CAMTA1: variants seen among roughly 807,000 people sequenced by gnomAD.
CAMTA1 encodes the protein calmodulin-binding transcription activator 1.
A neutral mutation model predicts 170.9 loss-of-function variants in CAMTA1; 27 were observed. That is an observed-to-expected ratio of 0.16 (90% CI 0.12 to 0.22). CAMTA1 has a LOEUF of 0.22. Ranked by LOEUF, CAMTA1 falls within the 10% of genes least tolerant of loss-of-function variation. The pLI is 1.00. For missense variants in CAMTA1, 1,619 were observed against 2,217.2 expected (o/e 0.73, Z 5.42); for synonymous variants, 833 against 891.5 (o/e 0.93, Z 1.17).
rs1166464800 is a variant in CAMTA1 at position 7,547,487 on chromosome 1, A to G, written c.510+79586A>G. 6.6e-6 allele frequency among the ~76,000 whole-genome samples: 1 copy of G among 152,044 alleles called. No homozygotes were observed. Among genetic ancestry groups the G allele is most frequent in the East Asian group, 1.9e-4 (1 of 5,192 alleles). On this transcript the variant is annotated intron_variant, in intron 6 of 22. Coordinates refer to ENST00000303635, the MANE Select transcript of CAMTA1 (RefSeq NM_015215.4). The surrounding 1 kb of genome is among the most constrained non-coding windows in gnomAD (Gnocchi z 5.7). ...AAAAAATTGCATTTGTACCAAACAT[A>G]TTTTTTTCTTATGATTATTCCCTAA...
rs912431386 is a variant in CAMTA1, at chr1:7,299,627, CTCCTCCCTGGCCACAT to C, written c.438+50004_438+50019del. ...CTTCCGATTAAGCCTCCACTTCCATCTCCTCCCTGGCCACATTCAGGCAGCAATGCCCCAACCCCAC... is the reference window on the plus strand; with the variant it reads ...CTTCCGATTAAGCCTCCACTTCCATCTCAGGCAGCAATGCCCCAACCCCAC... On this transcript the variant is annotated intron_variant, in intron 5 of 22. Coordinates refer to ENST00000303635, the MANE Select transcript of CAMTA1 (RefSeq NM_015215.4). This position sits in a 1 kb window ranked among gnomAD's most constrained non-coding sequence, Gnocchi z 4.7. 4.6e-5 allele frequency among the ~76,000 whole-genome samples: 7 copies of C among 152,216 alleles called. No individual in the cohort carries two copies. The highest frequency in any genetic ancestry group is 1.4e-4 in the African/African-American group (6 of 41,448).
chr1:6,926,461 T>G (rs1053375941), intron 3 of CAMTA1, among the ~76,000 whole-genome samples: 1 of 136,752 alleles, frequency 7.3e-6, no homozygotes, highest in Non-Finnish European at 1.5e-5. Flanking sequence ...TCTTTCTTTC[T>G]TTCTTTCTTT....
At position 7,224,173 on chromosome 1, in the gene CAMTA1, A is replaced by T. The variant is rs1661289476; in HGVS notation, c.303-25318A>T. ...GCCATCCTGGACCTCACCCGATGGGAGGGAGAATGATGCTCTGCCAGGTGG... is the reference window on the plus strand; with the variant it reads ...GCCATCCTGGACCTCACCCGATGGGTGGGAGAATGATGCTCTGCCAGGTGG... On this transcript the variant is annotated intron_variant, in intron 4 of 22. Transcript: ENST00000303635. The surrounding 1 kb of genome is among the most constrained non-coding windows in gnomAD (Gnocchi z 5.2). Among the ~76,000 whole-genome samples the T allele has an allele frequency of 6.6e-6, 1 of 152,174 alleles. No individual in the cohort carries two copies. The highest frequency in any genetic ancestry group is 2.4e-5 in the African/African-American group (1 of 41,436).
Position 7,249,472 on chromosome 1 carries a change from A to T in CAMTA1, c.303-19A>T. On this transcript the variant is annotated intron_variant, in intron 4 of 22. Transcript: ENST00000303635. This position sits in a 1 kb window ranked among gnomAD's most constrained non-coding sequence, Gnocchi z 4.4. ...TTCTACTTGGTACTCTTGGTAACTT[A>T]ACCATTTGTTGTTTCCAGACCACAG... 6.2e-7 allele frequency: 1 copy of T among 1,605,542 alleles called. No individual in the cohort carries two copies. Among genetic ancestry groups the T allele is most frequent in the Non-Finnish European group, 8.5e-7 (1 of 1,174,892 alleles).
chr1:7,357,854 G>A (rs1477275121), intron 5 of CAMTA1, among the ~76,000 whole-genome samples: 3 of 152,200 alleles, frequency 2.0e-5, no homozygotes, highest in Non-Finnish European at 4.4e-5. Context: ...GGCTGCTGGA[G>A]CTTGGGGTCC....
intron 2 of CAMTA1, among the ~76,000 whole-genome samples, chr1:6,821,814 G>T (rs1050982302): frequency 2.0e-5 from 3 of 152,038 alleles, no homozygotes; most frequent in African/African-American, 7.2e-5. Context: ...TCATTTTTTT[G>T]AAACAAAACA....
At chr1:7,344,234 C>G (rs1365014338) in intron 5 of CAMTA1, among the ~76,000 whole-genome samples, 1 of 152,242 alleles carries the variant, frequency 6.6e-6, no homozygotes, top group Non-Finnish European at 1.5e-5. Context: ...AGGCTAAGAC[C>G]TTTGCATGTG....
At chr1:6,898,946 G>A (rs935459020) in intron 3 of CAMTA1, among the ~76,000 whole-genome samples, 2 of 152,210 alleles carry the variant, frequency 1.3e-5, no homozygotes, top group African/African-American at 4.8e-5. Flanking sequence ...GTAGCACCAA[G>A]GTGCCCCTGT....
intron 3 of CAMTA1, among the ~76,000 whole-genome samples, chr1:6,882,782 T>G (rs1671984731): frequency 6.6e-6 from 1 of 151,986 alleles, no homozygotes; most frequent in Non-Finnish European, 1.5e-5. Context: ...AGGGAGTGTA[T>G]ACAATAGAGA....
chr1:7,387,924 C>A (rs2088197442), intron 5 of CAMTA1, among the ~76,000 whole-genome samples: 1 of 152,130 alleles, frequency 6.6e-6, no homozygotes. Context: ...CAGAAAGCCC[C>A]TTTTTGTTGT....
In CAMTA1 at chr1:7,300,376, G is replaced by A. The variant is rs1024802985; in HGVS notation, c.438+50750G>A. Reference sequence around the variant, plus strand: ...ATCAATGTTTTTAACTCCATGAATTGTTTAGAAAATTGTATAGAGGCCAGG... The same window carrying A: ...ATCAATGTTTTTAACTCCATGAATTATTTAGAAAATTGTATAGAGGCCAGG... On this transcript the variant is annotated intron_variant, in intron 5 of 22. Coordinates refer to ENST00000303635, the MANE Select transcript of CAMTA1 (RefSeq NM_015215.4). This position sits in a 1 kb window ranked among gnomAD's most constrained non-coding sequence, Gnocchi z 4.1. Among the ~76,000 whole-genome samples the A allele has an allele frequency of 6.6e-6, 1 of 152,102 alleles. No homozygotes were observed. Among genetic ancestry groups the A allele is most frequent in the Non-Finnish European group, 1.5e-5 (1 of 68,020 alleles).
chr1:7,311,165 G>A (rs1430398727), intron 5 of CAMTA1, among the ~76,000 whole-genome samples: 1 of 152,154 alleles, frequency 6.6e-6, no homozygotes, highest in Non-Finnish European at 1.5e-5. Flanking sequence ...CCAAATTTTT[G>A]AAGTTTTTGA....
At chr1:7,087,475 TGGGTCA>T (rs1640900313) in intron 3 of CAMTA1, among the ~76,000 whole-genome samples, 1 of 152,184 alleles carries the variant, frequency 6.6e-6, no homozygotes, top group Non-Finnish European at 1.5e-5. Context: ...GAAGTGACCC[TGGGTCA>T]GTGGGGAGCA....
At chr1:7,365,087 C>T (rs567607893) in intron 5 of CAMTA1, among the ~76,000 whole-genome samples, 1 of 152,334 alleles carries the variant, frequency 6.6e-6, no homozygotes, top group South Asian at 2.1e-4. Flanking sequence ...TTGTGACATC[C>T]AGCCAAGCTC....
At chr1:6,949,488 A>T (rs1688109516) in intron 3 of CAMTA1, among the ~76,000 whole-genome samples, 2 of 152,182 alleles carry the variant, frequency 1.3e-5, no homozygotes, top group Admixed American at 1.3e-4. Context: ...TCCAAGAGCC[A>T]ATATTTTCCT....
At chr1:6,893,271 A>G (rs1438406084) in intron 3 of CAMTA1, among the ~76,000 whole-genome samples, 1 of 152,172 alleles carries the variant, frequency 6.6e-6, no homozygotes, top group East Asian at 1.9e-4. Flanking sequence ...GAGGAAAAAA[A>G]GAAAAGAAGA....
At chr1:7,717,187 A>G (rs1162268726) in intron 11 of CAMTA1, among the ~76,000 whole-genome samples, 1 of 152,112 alleles carries the variant, frequency 6.6e-6, no homozygotes, top group Non-Finnish European at 1.5e-5. Context: ...AATCAGTTCA[A>G]GGGGTTATTG....
chr1:6,904,863 G>T (rs1450923984), intron 3 of CAMTA1, among the ~76,000 whole-genome samples: 1 of 150,258 alleles, frequency 6.7e-6, no homozygotes, highest in Admixed American at 6.7e-5. Flanking sequence ...AAACTGCTGG[G>T]ATTACAGGCG....
At chr1:7,315,142 G>A (rs532851033) in intron 5 of CAMTA1, among the ~76,000 whole-genome samples, 1 of 152,332 alleles carries the variant, frequency 6.6e-6, no homozygotes, top group African/African-American at 2.4e-5. Context: ...AAAGCAATTG[G>A]CAGCTGCTGA....
Sources: gnomAD v4.1 joint callset for allele counts (sites outside exome capture counted in the v4.1 genomes callset) on GRCh38, gnomAD v4.1.1 for gene constraint, Gnocchi (gnomAD v3.1) non-coding constraint, MANE v1.5 for transcripts, NCBI Gene and HGNC (gene_info 2026-07-23, HGNC 2026-07-21) for gene names.